The following LRMDA variants were observed in gnomAD, a reference collection of about 807,000 sequenced individuals.
The protein encoded by LRMDA is leucine-rich melanocyte differentiation-associated protein.
A neutral mutation model predicts 29.8 loss-of-function variants in LRMDA; 18 were observed. The ratio of observed to expected loss-of-function variants is 0.60; its 90% CI spans 0.42 to 0.90. The LOEUF (loss-of-function observed/expected upper bound fraction) is 0.90. LRMDA is among the 40% of genes least tolerant of loss of function. The pLI, the probability that LRMDA is intolerant of heterozygous loss-of-function variation, is 0.00. For synonymous variants in LRMDA, 125 were observed against 109.4 expected (o/e 1.14, Z -0.89); for missense variants, 273 against 273.9 (o/e 1.00, Z 0.02).
intron 2 of LRMDA, among the ~76,000 whole-genome samples, chr10:75,672,526 C>CTT (rs1841905626): frequency 1.8e-3 from 2 of 1,110 alleles, no homozygotes; most frequent in African/African-American, 5.6e-3. Context: ...TTTTCTTTTC[C>CTT]TCCCCTCCCC....
intron 5 of LRMDA, among the ~76,000 whole-genome samples, chr10:76,205,922 G>A (rs11818162): frequency 4.3e-4 from 65 of 152,194 alleles, no homozygotes; most frequent in African/African-American, 1.3e-3. Flanking sequence ...ATGCAGAATC[G>A]TTGAGGCCAC....
chr10:76,207,182 T>C (rs915963631), intron 5 of LRMDA, among the ~76,000 whole-genome samples: 2 of 152,114 alleles, frequency 1.3e-5, no homozygotes, highest in Admixed American at 6.5e-5. Context: ...TAACCTACCA[T>C]TGTACATAAT....
At chr10:76,144,924 G>A (rs547221376) in intron 5 of LRMDA, among the ~76,000 whole-genome samples, 20 of 152,274 alleles carry the variant, frequency 1.3e-4, no homozygotes, top group African/African-American at 4.8e-4. Flanking sequence ...TTTTGTCAAA[G>A]GCCTCTTCTG....
intron 5 of LRMDA, among the ~76,000 whole-genome samples, chr10:76,218,043 G>A (rs1204367546): frequency 6.6e-6 from 1 of 152,194 alleles, no homozygotes; most frequent in African/African-American, 2.4e-5. Context: ...GTACCCTGTA[G>A]TTTTTCATCC....
intron 6 of LRMDA, among the ~76,000 whole-genome samples, chr10:76,530,961 A>T (rs1242281012): frequency 6.6e-6 from 1 of 152,176 alleles, no homozygotes; most frequent in Non-Finnish European, 1.5e-5. Flanking sequence ...TAATTCTATG[A>T]AAAGATCCTC....
At chr10:76,054,812 T>C (rs1353794825) in intron 4 of LRMDA, among the ~76,000 whole-genome samples, 1 of 151,308 alleles carries the variant, frequency 6.6e-6, no homozygotes, top group Non-Finnish European at 1.5e-5. Flanking sequence ...TATTTGGTGG[T>C]GGTTCATGCC....
At chr10:75,592,676 G>A (rs1016908363) in intron 2 of LRMDA, among the ~76,000 whole-genome samples, 1 of 152,212 alleles carries the variant, frequency 6.6e-6, no homozygotes, top group African/African-American at 2.4e-5. Context: ...AGCCCCCCAG[G>A]CTTCGGCTCA....
rs1166665728 is a variant in LRMDA, at chr10:76,047,305, T to C, written c.398+2T>C. On this transcript the variant is annotated splice_donor_variant, in intron 4 of 6. Coordinates refer to ENST00000611255, the MANE Select transcript of LRMDA (RefSeq NM_001305581.2). LOFTEE classifies it high-confidence loss of function. ...TGAGGAAGACTACAAGAGATACAGGTGAGTGTCCAGGGGTTGGACCATGGT... is the reference window on the plus strand; with the variant it reads ...TGAGGAAGACTACAAGAGATACAGGCGAGTGTCCAGGGGTTGGACCATGGT... 6.2e-7 allele frequency: 1 copy of C among 1,607,396 alleles called. No individual in the cohort carries two copies. The highest frequency in any genetic ancestry group is 1.1e-5 in the South Asian group (1 of 90,130).
At chr10:76,393,328 C>T (rs1378169502) in intron 6 of LRMDA, among the ~76,000 whole-genome samples, 6 of 152,028 alleles carry the variant, frequency 3.9e-5, no homozygotes, top group Non-Finnish European at 8.8e-5. Flanking sequence ...CTTATGAATA[C>T]TTACCTTCTA....
chr10:75,877,965 G>T (rs1021192571), intron 2 of LRMDA, among the ~76,000 whole-genome samples: 1 of 152,180 alleles, frequency 6.6e-6, no homozygotes. Context: ...CAGGGGTGTG[G>T]CTCGCTTCTT....
rs1300981225 is a variant in LRMDA, at chr10:75,557,253, G to GCAGTGAGCTGAGATCATGCCACTGC, written c.131+118760_131+118784dup. ...TGCTTGAACTGGGGAGGCAGAGGTTGCAGTGAGCTGAGATCATGCCACTGC... is the reference window on the plus strand; with the variant it reads ...TGCTTGAACTGGGGAGGCAGAGGTTGCAGTGAGCTGAGATCATGCCACTGCCAGTGAGCTGAGATCATGCCACTGC... On this transcript the variant is annotated intron_variant, in intron 2 of 6. Coordinates refer to ENST00000611255, the MANE Select transcript of LRMDA (RefSeq NM_001305581.2). Among the ~76,000 whole-genome samples the GCAGTGAGCTGAGATCATGCCACTGC allele has an allele frequency of 1.6e-3, 250 of 151,686 alleles. 1 individual carries two copies. Among genetic ancestry groups the GCAGTGAGCTGAGATCATGCCACTGC allele is most frequent in the Middle Eastern group, 3.4e-3 (1 of 294 alleles).
intron 6 of LRMDA, among the ~76,000 whole-genome samples, chr10:76,522,345 A>G (rs1843129829): frequency 6.6e-6 from 1 of 152,188 alleles, no homozygotes; most frequent in Admixed American, 6.5e-5. Context: ...GCAAAAGGCA[A>G]CTATAATTGA....
chr10:76,055,575 C>T (rs757342206), intron 4 of LRMDA, among the ~76,000 whole-genome samples: 2 of 152,216 alleles, frequency 1.3e-5, no homozygotes, highest in African/African-American at 2.4e-5. Context: ...GCACTTGGCT[C>T]GTGCTGCCAG....
intron 2 of LRMDA, among the ~76,000 whole-genome samples, chr10:75,834,850 C>A (rs991494075): frequency 2.0e-5 from 3 of 152,132 alleles, no homozygotes; most frequent in African/African-American, 2.4e-5. Context: ...GGTTTCTCTG[C>A]GACAGTCCTC....
chr10:76,103,009 C>T (rs1057508292), intron 5 of LRMDA, among the ~76,000 whole-genome samples: 1 of 152,064 alleles, frequency 6.6e-6, no homozygotes, highest in Admixed American at 6.6e-5. Flanking sequence ...GTGGAATTGC[C>T]GGGTCATGTG....
chr10:76,110,499 G>A (rs1319317840), intron 5 of LRMDA, among the ~76,000 whole-genome samples: 1 of 152,128 alleles, frequency 6.6e-6, no homozygotes, highest in Non-Finnish European at 1.5e-5. Flanking sequence ...CTTGCTTTTA[G>A]GGTGACAGGG....
intron 5 of LRMDA, among the ~76,000 whole-genome samples, chr10:76,181,555 C>G (rs1465584413): frequency 1.3e-5 from 2 of 152,120 alleles, no homozygotes; most frequent in Non-Finnish European, 2.9e-5. Context: ...AAATGCCTAC[C>G]CTTGAAGAGT....
At chr10:75,660,844 G>A (rs771300864) in intron 2 of LRMDA, among the ~76,000 whole-genome samples, 1 of 152,006 alleles carries the variant, frequency 6.6e-6, no homozygotes, top group Non-Finnish European at 1.5e-5. Flanking sequence ...CCATCTGCTT[G>A]CATCTTGTTT....
chr10:76,258,511 G>A (rs2132305717), intron 5 of LRMDA, among the ~76,000 whole-genome samples: 1 of 152,078 alleles, frequency 6.6e-6, no homozygotes, highest in Non-Finnish European at 1.5e-5. Flanking sequence ...ATATATTATT[G>A]TTAACTGTAA....
Sources: allele counts gnomAD v4.1 joint callset (sites outside exome capture counted in the v4.1 genomes callset), GRCh38; gene constraint gnomAD v4.1.1; transcripts MANE v1.5; gene names NCBI Gene and HGNC (gene_info 2026-07-23, HGNC 2026-07-21).